Variants in TLR2 observed in about 807,000 individuals in gnomAD.
TLR2 encodes toll-like receptor 2.
Under a neutral mutation model 9.1 loss-of-function variants are expected in TLR2, and 7 were observed. The ratio of observed to expected loss-of-function variants is 0.77; its 90% CI spans 0.44 to 1.44. The LOEUF (loss-of-function observed/expected upper bound fraction) is 1.44, where lower values mean the gene tolerates loss of function less well. TLR2 is among the 40% of genes most tolerant of loss of function. The pLI is 0.01. For synonymous variants in TLR2, 317 were observed against 344.6 expected (o/e 0.92, Z 0.89); for missense variants, 812 against 904.6 (o/e 0.90, Z 1.31).
chr4:153,703,172 A>G lies in TLR2; in HGVS notation c.265A>G (p.Asn89Asp), dbSNP rs137853176. 8.7e-6 allele frequency: 14 copies of G among 1,614,232 alleles called. No homozygotes were observed. Among genetic ancestry groups the G allele is most frequent in the Non-Finnish European group, 1.1e-5 (13 of 1,180,044 alleles). ...TCTGGTGCTGACATCCAATGGAATT[A>G]ACACAATAGAGGAAGATTCTTTTTC... Reference protein sequence around the residue: ...QALVLTSNGINTIEEDSFSSL... With the variant: ...QALVLTSNGIDTIEEDSFSSL... Residue 89 changes from asparagine to aspartate, a missense_variant, in exon 3 of 3, where the codon AAC becomes GAC. Physicochemically the swap from Asn to Asp is conservative, Grantham distance 23. Transcript: ENST00000642700.
intron 2 of TLR2, among the ~76,000 whole-genome samples, chr4:153,694,937 T>G (rs1736384979): frequency 6.6e-6 from 1 of 152,230 alleles, no homozygotes; most frequent in Non-Finnish European, 1.5e-5. Context: ...ATGTTTGTCT[T>G]TCTGTGCCTT....
chr4:153,688,162 C>T (rs1315119324), intron 2 of TLR2, 115 bp downstream of exon 2: 2 of 152,154 alleles, frequency 1.3e-5, no homozygotes, highest in African/African-American at 4.8e-5. Flanking sequence ...AGTGAAGAAA[C>T]TGAAACTGGA....
intron 2 of TLR2, among the ~76,000 whole-genome samples, chr4:153,696,895 G>C (rs1736544748): frequency 1.3e-5 from 2 of 151,936 alleles, no homozygotes; most frequent in South Asian, 4.1e-4. Flanking sequence ...TTAATATGTG[G>C]TACTAGAATT....
intron 2 of TLR2, among the ~76,000 whole-genome samples, chr4:153,692,420 A>G (rs1736185622): frequency 6.6e-6 from 1 of 152,196 alleles, no homozygotes; most frequent in Admixed American, 6.5e-5. Flanking sequence ...AGTCCTCTAA[A>G]GCCTCCAGTT....
chr4:153,694,389 G>A (rs1453565486), intron 2 of TLR2, among the ~76,000 whole-genome samples: 1 of 152,152 alleles, frequency 6.6e-6, no homozygotes, highest in Non-Finnish European at 1.5e-5. Flanking sequence ...CAAGATCTGG[G>A]GCCAGTTTAT....
At chr4:153,707,427 C>T (rs984269072), downstream of TLR2, among the ~76,000 whole-genome samples, 1 of 152,082 alleles carries the variant, frequency 6.6e-6, no homozygotes, top group African/African-American at 2.4e-5. Context: ...GCATGTGCCT[C>T]TGGTCCTAGC....
chr4:153,687,147 A>G (rs144160293), intron 1 of TLR2, among the ~76,000 whole-genome samples: 1 of 152,192 alleles, frequency 6.6e-6, no homozygotes, highest in African/African-American at 2.4e-5. Context: ...AAAAAATTAC[A>G]TATAAAAACT....
downstream of TLR2, chr4:153,710,480 G>A: frequency 3.7e-6 from 6 of 1,608,976 alleles, no homozygotes; most frequent in Non-Finnish European, 5.1e-6. Flanking sequence ...GAAAATGTGT[G>A]CGCTCCCAGC....
chr4:153,700,325 CTA>C (rs1370626202), intron 2 of TLR2, among the ~76,000 whole-genome samples: 1 of 152,112 alleles, frequency 6.6e-6, no homozygotes, highest in African/African-American at 2.4e-5. Flanking sequence ...ATATGTAAAA[CTA>C]TTTTAAATGT....
chr4:153,695,374 G>A (rs896455235), intron 2 of TLR2, among the ~76,000 whole-genome samples: 2 of 152,132 alleles, frequency 1.3e-5, no homozygotes, highest in Non-Finnish European at 2.9e-5. Context: ...ATTTTAACTG[G>A]GGTGAAATGA....
Position 153,704,013 on chromosome 4 carries a change from A to G in TLR2, c.1106A>G (p.Glu369Gly). ...TCATTAGAATACTTGGATCTCAGTG[A>G]AAATTTGATGGTTGAAGAATACTTG... ...LKSLEYLDLS[E>G]NLMVEEYLKN... The change falls in exon 3 of 3, where the codon GAA becomes GGA. Residue 369 changes from glutamate (E) to glycine (G), a missense_variant. Coordinates refer to ENST00000642700, the MANE Select transcript of TLR2 (RefSeq NM_001318789.2). 1 of 1,614,030 alleles carries G rather than the reference A, an allele frequency of 6.2e-7. No individual in the cohort carries two copies. The highest frequency in any genetic ancestry group is 8.5e-7 in the Non-Finnish European group (1 of 1,180,006).
At chr4:153,687,147 A>T (rs144160293) in intron 1 of TLR2, among the ~76,000 whole-genome samples, 1 of 152,310 alleles carries the variant, frequency 6.6e-6, no homozygotes, top group African/African-American at 2.4e-5. Context: ...AAAAAATTAC[A>T]TATAAAAACT....
chr4:153,707,227 C>T (rs375623512), downstream of TLR2, among the ~76,000 whole-genome samples: 2 of 152,064 alleles, frequency 1.3e-5, no homozygotes, highest in African/African-American at 2.4e-5. Flanking sequence ...CTGTTTCACA[C>T]GACCTCCCAG....
rs768377350 is a variant in TLR2, at chr4:153,704,165, A to G, written c.1258A>G (p.Ile420Val). The change falls in exon 3 of 3, where the codon ATC becomes GTC. Residue 420 changes from isoleucine (I) to valine (V), a missense_variant. Coordinates refer to ENST00000642700, the MANE Select transcript of TLR2 (RefSeq NM_001318789.2). ...TCTGAAAAACTTGACTAACATTGAT[A>G]TCAGTAAGAATAGTTTTCATTCTAT... ...LTLKNLTNID[I>V]SKNSFHSMPE... 3.7e-6 allele frequency: 6 copies of G among 1,613,764 alleles called. No individual in the cohort carries two copies. Among genetic ancestry groups the G allele is most frequent in the Non-Finnish European group, 5.1e-6 (6 of 1,179,956 alleles).
At position 153,703,943 on chromosome 4, in the gene TLR2, A is replaced by G. The variant is rs1339393933; in HGVS notation, c.1036A>G (p.Ser346Gly). 3.1e-6 allele frequency: 5 copies of G among 1,612,006 alleles called. No individual in the cohort carries two copies. Among genetic ancestry groups the G allele is most frequent in the Non-Finnish European group, 4.2e-6 (5 of 1,179,520 alleles). ...ERVKRITVEN[S>G]KVFLVPCLLS... ...AGTTAAAAGAATCACAGTAGAAAAC[A>G]GTAAAGTTTTTCTGGTTCCTTGTTT... Residue 346 changes from serine (S) to glycine (G), a missense_variant, in exon 3 of 3, where the codon AGT becomes GGT. Transcript: ENST00000642700.
chr4:153,686,465 A>G (rs1205709897), intron 1 of TLR2, among the ~76,000 whole-genome samples: 1 of 152,234 alleles, frequency 6.6e-6, no homozygotes, highest in African/African-American at 2.4e-5. Flanking sequence ...AAACAACCCA[A>G]CAATCATATG....
chr4:153,694,866 C>T (rs950573473), intron 2 of TLR2, among the ~76,000 whole-genome samples: 2 of 152,192 alleles, frequency 1.3e-5, no homozygotes, highest in African/African-American at 4.8e-5. Context: ...ATTCTACTCT[C>T]TTATCTCCAT....
chr4:153,709,463 T>A (rs1440293611), downstream of TLR2, among the ~76,000 whole-genome samples: 1 of 152,240 alleles, frequency 6.6e-6, no homozygotes, highest in Non-Finnish European at 1.5e-5. Context: ...CTGACTGGTC[T>A]TCTCTATTCA....
At chr4:153,708,528 T>C (rs1737402482), downstream of TLR2, among the ~76,000 whole-genome samples, 1 of 152,146 alleles carries the variant, frequency 6.6e-6, no homozygotes, top group South Asian at 2.1e-4. Context: ...GAATCAATCA[T>C]AATGAGAGAG....
Sources: gnomAD v4.1 joint callset for allele counts (sites outside exome capture counted in the v4.1 genomes callset) on GRCh38, gnomAD v4.1.1 for gene constraint, MANE v1.5 for transcripts, NCBI Gene and HGNC (gene_info 2026-07-23, HGNC 2026-07-21) for gene names.